The following NSG2 variants were observed in gnomAD, a reference collection of about 807,000 sequenced individuals.
The protein encoded by NSG2 is neuronal vesicle trafficking associated 2.
In NSG2, 4 loss-of-function variants were observed where a neutral mutation model predicts 16.9. That is an observed-to-expected ratio of 0.24 (90% CI 0.12 to 0.54). The LOEUF (loss-of-function observed/expected upper bound fraction) is 0.54. Ranked by LOEUF, NSG2 falls within the 20% of genes least tolerant of loss-of-function variation. The pLI, the probability that NSG2 is intolerant of heterozygous loss-of-function variation, is 0.95. For synonymous variants in NSG2, 98 were observed against 88.7 expected (o/e 1.11, Z -0.59); for missense variants, 179 against 221.1 (o/e 0.81, Z 1.21).
At chr5:174,084,590 C>G (rs899331248) in intron 3 of NSG2, among the ~76,000 whole-genome samples, 1 of 152,230 alleles carries the variant, frequency 6.6e-6, no homozygotes. Flanking sequence ...GCTTTATTTT[C>G]TGTGTCCAGG....
In NSG2 at chr5:174,108,289, A is replaced by T. The variant is rs1033123382; in HGVS notation, c.*784A>T. The stretch of plus-strand genomic sequence containing the variant: ...TTTTGCTTGCATTTTCTAGATCCAC[A>T]CCTGGATACTGCCCATGTTGACGAG... On this transcript the variant is annotated 3_prime_UTR_variant, in exon 5 of 5. Coordinates refer to ENST00000303177, the MANE Select transcript of NSG2 (RefSeq NM_015980.5). The T allele has an allele frequency of 6.3e-6, 1 of 157,774 alleles. No homozygotes were observed. Among genetic ancestry groups the T allele is most frequent in the African/African-American group, 2.4e-5 (1 of 41,306 alleles). The allele number at this position is 157,774 out of a possible 1,614,324, so 9.8% of individuals were successfully genotyped here. A position where few individuals can be genotyped will look rare whatever the true frequency, so the allele number is the denominator to read the frequency against.
intron 3 of NSG2, chr5:174,066,315 G>C (rs1217614697): frequency 2.2e-6 from 1 of 450,846 alleles, no homozygotes; most frequent in Non-Finnish European, 4.5e-6. Flanking sequence ...TTGCAGGAGA[G>C]GCCTGGGGTA....
chr5:174,080,987 T>C (rs897932493), intron 3 of NSG2, among the ~76,000 whole-genome samples: 7 of 146,200 alleles, frequency 4.8e-5, no homozygotes, highest in Admixed American at 1.4e-4. Flanking sequence ...ATTTTACCTG[T>C]TTTTTTTTTG....
intron 3 of NSG2, among the ~76,000 whole-genome samples, chr5:174,085,850 A>T (rs1163300382): frequency 6.6e-6 from 1 of 152,220 alleles, no homozygotes; most frequent in African/African-American, 2.4e-5. Flanking sequence ...GAGGCTAGGA[A>T]GTCCTTTCAC....
intron 2 of NSG2, among the ~76,000 whole-genome samples, chr5:174,062,146 C>T (rs1460883965): frequency 6.6e-6 from 1 of 152,006 alleles, no homozygotes; most frequent in Non-Finnish European, 1.5e-5. Context: ...TTTATGCCTC[C>T]CAACAATCCA....
intron 1 of NSG2, 86 bp downstream of exon 1, chr5:174,045,929 C>T (rs191669264): frequency 9.2e-5 from 14 of 152,480 alleles, no homozygotes; most frequent in Admixed American, 3.3e-4. Context: ...TTTGTCTAAA[C>T]GTTCCATCAG....
At chr5:174,105,770 C>T (rs745706465) in intron 4 of NSG2, among the ~76,000 whole-genome samples, 5 of 152,204 alleles carry the variant, frequency 3.3e-5, no homozygotes, top group Non-Finnish European at 7.3e-5. Context: ...CGTGGTGGCT[C>T]ATGCCTGTAA....
At chr5:174,091,013 TTTCTTCTTCCTTCCCC>T (rs1195187414) in intron 3 of NSG2, among the ~76,000 whole-genome samples, 1 of 152,088 alleles carries the variant, frequency 6.6e-6, no homozygotes, top group African/African-American at 2.4e-5. Context: ...GATTCTTTCT[TTTCTTCTTCCTTCCCC>T]TTCTTCTTCC....
At chr5:174,081,996 A>G (rs1760483162) in intron 3 of NSG2, among the ~76,000 whole-genome samples, 1 of 152,224 alleles carries the variant, frequency 6.6e-6, no homozygotes, top group Admixed American at 6.5e-5. Context: ...ATATTTTTTA[A>G]AAACAGAATT....
At chr5:174,058,085 G>A (rs1189003254) in intron 2 of NSG2, among the ~76,000 whole-genome samples, 2 of 152,222 alleles carry the variant, frequency 1.3e-5, no homozygotes, top group Admixed American at 1.3e-4. Context: ...TTCTGTGTTT[G>A]ATTTGACATA....
At position 174,107,873 on chromosome 5, in the gene NSG2, C is replaced by T. The variant is rs1186718565; in HGVS notation, c.*368C>T. The T allele has an allele frequency of 1.2e-5, 5 of 407,950 alleles. No homozygotes were observed. Among genetic ancestry groups the T allele is most frequent in the African/African-American group, 6.2e-5 (3 of 48,756 alleles). The allele number at this position is 407,950 out of a possible 1,614,324, so 25.3% of individuals were successfully genotyped here. A position where few individuals can be genotyped will look rare whatever the true frequency, so the allele number is the denominator to read the frequency against. On this transcript the variant is annotated 3_prime_UTR_variant, in exon 5 of 5. Coordinates refer to ENST00000303177, the MANE Select transcript of NSG2 (RefSeq NM_015980.5). The surrounding 1 kb of genome is among the most constrained non-coding windows in gnomAD (Gnocchi z 4.5). Reference sequence around the variant, plus strand: ...ACAAAAAGCATTAAACTGGCTCCATCAGAAGACGTTGAAGGGCAGTGAAGA... The same window carrying T: ...ACAAAAAGCATTAAACTGGCTCCATTAGAAGACGTTGAAGGGCAGTGAAGA...
chr5:174,092,633 A>G (rs1760736796), intron 3 of NSG2, among the ~76,000 whole-genome samples: 1 of 152,250 alleles, frequency 6.6e-6, no homozygotes, highest in South Asian at 2.1e-4. Context: ...AATGACAACA[A>G]GAAGCATTAA....
At chr5:174,067,458 C>G (rs1760162128) in intron 3 of NSG2, among the ~76,000 whole-genome samples, 1 of 152,152 alleles carries the variant, frequency 6.6e-6, no homozygotes, top group Non-Finnish European at 1.5e-5. Context: ...GTTCTCCACC[C>G]CCGCGCAGTT....
chr5:174,060,948 A>G (rs939724432), intron 2 of NSG2, among the ~76,000 whole-genome samples: 4 of 152,182 alleles, frequency 2.6e-5, no homozygotes, highest in African/African-American at 9.7e-5. Context: ...TCATAACCAC[A>G]GGTCCAGCCC....
At chr5:174,057,179 G>T (rs1398116749) in intron 2 of NSG2, among the ~76,000 whole-genome samples, 2 of 152,088 alleles carry the variant, frequency 1.3e-5, no homozygotes, top group African/African-American at 4.8e-5. Context: ...GAGAAATTTT[G>T]CCCCTCCCCT....
At chr5:174,077,093 G>A (rs969407906) in intron 3 of NSG2, among the ~76,000 whole-genome samples, 1 of 152,150 alleles carries the variant, frequency 6.6e-6, no homozygotes, top group African/African-American at 2.4e-5. Context: ...AAAAAAATGA[G>A]ATGGCCACAG....
chr5:174,074,115 G>A (rs944495801), intron 3 of NSG2, among the ~76,000 whole-genome samples: 2 of 152,160 alleles, frequency 1.3e-5, no homozygotes, highest in African/African-American at 4.8e-5. Flanking sequence ...GCACACCACT[G>A]TGGAAAGGCG....
intron 3 of NSG2, among the ~76,000 whole-genome samples, chr5:174,069,675 C>T (rs568106035): frequency 1.8e-4 from 28 of 151,886 alleles, no homozygotes; most frequent in African/African-American, 6.5e-4. Context: ...TCTTAGCTTC[C>T]TGTCTAATTA....
At chr5:174,095,252 C>T (rs371465994) in intron 3 of NSG2, among the ~76,000 whole-genome samples, 14 of 152,192 alleles carry the variant, frequency 9.2e-5, no homozygotes, top group African/African-American at 2.6e-4. Flanking sequence ...TGTGGGAGGG[C>T]GCTGTATTCA....
Sources: allele counts gnomAD v4.1 joint callset (sites outside exome capture counted in the v4.1 genomes callset), GRCh38; gene constraint gnomAD v4.1.1; non-coding constraint Gnocchi (gnomAD v3.1); transcripts MANE v1.5; gene names NCBI Gene and HGNC (gene_info 2026-07-23, HGNC 2026-07-21).